Variants in KCNQ1 observed in about 807,000 individuals in gnomAD.
KCNQ1 encodes potassium voltage-gated channel subfamily KQT member 1.
KCNQ1 carries 49 observed loss-of-function variants against 72.4 expected under a neutral mutation model. That is an observed-to-expected ratio of 0.68 (90% CI 0.54 to 0.86). The LOEUF is 0.86. KCNQ1 is among the 40% of genes least tolerant of loss of function. The pLI is 0.00. For missense variants in KCNQ1, 790 were observed against 945.1 expected (o/e 0.84, Z 2.15); for synonymous variants, 450 against 412.6 (o/e 1.09, Z -1.10).
In KCNQ1 at chr11:2,669,343, T is replaced by C. The variant is rs758721363; in HGVS notation, c.1514+7262T>C. On this transcript the variant is annotated intron_variant, in intron 11 of 15. Transcript: ENST00000155840. This position sits in a 1 kb window ranked among gnomAD's most constrained non-coding sequence, Gnocchi z 5.6. ...AGCCTCCTCTAGGCGCAGCAGCCTC[T>C]AGATGGGCATGGGAGAATGGGTATC... is the stretch of plus-strand genomic sequence containing the variant. The C allele has an allele frequency of 3.8e-5, 15 of 398,656 alleles. No homozygotes were observed. The Admixed American group carries it at 6.2e-4, about 16-fold the overall frequency. The allele number at this position is 398,656 out of a possible 1,614,324, so 24.7% of individuals were successfully genotyped here. A position where few individuals can be genotyped will look rare whatever the true frequency, so the allele number is the denominator to read the frequency against.
chr11:2,581,914 C>T (rs1426048985), intron 6 of KCNQ1, among the ~76,000 whole-genome samples: 2 of 152,140 alleles, frequency 1.3e-5, no homozygotes, highest in South Asian at 2.1e-4. Flanking sequence ...AGGACAGTGG[C>T]GCTGCAGGGA....
At chr11:2,521,934 T>C (rs903198737) in intron 1 of KCNQ1, among the ~76,000 whole-genome samples, 2 of 152,220 alleles carry the variant, frequency 1.3e-5, no homozygotes, top group African/African-American at 4.8e-5. Context: ...CCCCAGGCCA[T>C]CTGAGCCGTG....
intron 2 of KCNQ1, among the ~76,000 whole-genome samples, chr11:2,531,765 C>T (rs1564808383): frequency 6.6e-6 from 1 of 152,204 alleles, no homozygotes; most frequent in Non-Finnish European, 1.5e-5. Context: ...GAGACCCTGG[C>T]CGCCTCCCTT....
intron 1 of KCNQ1, among the ~76,000 whole-genome samples, chr11:2,525,729 T>G (rs534180438): frequency 2.0e-5 from 3 of 152,286 alleles, no homozygotes; most frequent in Non-Finnish European, 4.4e-5. Context: ...ACTTGTGCTT[T>G]GGGTCGAATG....
intron 15 of KCNQ1, among the ~76,000 whole-genome samples, chr11:2,847,090 G>A (rs1275756072): frequency 6.6e-6 from 1 of 152,124 alleles, no homozygotes; most frequent in Non-Finnish European, 1.5e-5. Context: ...CCTGGGGGAT[G>A]ACAAAAAAAC....
At position 2,588,720 on chromosome 11, in the gene KCNQ1, A is replaced by T; in HGVS notation, c.1259A>T (p.Lys420Ile). ...PKPKKSVVVK[K>I]KKFKLDKDNG... is the part of the protein sequence containing the mutation. ...TTGTCTTGTTTTTTTTAGGTAAAGA[A>T]AAAAAAGTTCAAGCTGGACAAAGAC... The change falls in exon 10 of 16, where the codon AAA becomes ATA. Residue 420 changes from lysine (K) to isoleucine (I), a missense_variant. Physicochemically the swap from Lys to Ile is moderately radical, Grantham distance 102. Transcript: ENST00000155840. The surrounding 1 kb of genome is among the most constrained non-coding windows in gnomAD (Gnocchi z 5.6). 6.2e-7 allele frequency: 1 copy of T among 1,613,548 alleles called. No homozygotes were observed. Among genetic ancestry groups the T allele is most frequent in the South Asian group, 1.1e-5 (1 of 91,022 alleles).
At chr11:2,539,746 G>A (rs962667734) in intron 2 of KCNQ1, among the ~76,000 whole-genome samples, 1 of 152,254 alleles carries the variant, frequency 6.6e-6, no homozygotes, top group African/African-American at 2.4e-5. Flanking sequence ...GGGCCCCCAG[G>A]CTTCTCCATT....
chr11:2,801,265 C>T (rs966319923), intron 15 of KCNQ1, among the ~76,000 whole-genome samples: 1 of 152,200 alleles, frequency 6.6e-6, no homozygotes, highest in African/African-American at 2.4e-5. Flanking sequence ...CTGACCCACT[C>T]GGGGTGCCGG....
chr11:2,730,382 A>T (rs183258990), intron 11 of KCNQ1, among the ~76,000 whole-genome samples: 306 of 152,316 alleles, frequency 2.0e-3, no homozygotes, highest in African/African-American at 7.2e-3. Flanking sequence ...GGCTACATTC[A>T]AGGAGCCAGC....
rs1255771105 is a variant in KCNQ1, at chr11:2,785,775, A to C, written c.1794+7738A>C. ...TACTTCTCATTCTACTTTTCTCTCT[A>C]CTGGTTTTGAAGTTATGTATTCTAC... is the stretch of plus-strand genomic sequence containing the variant. On this transcript the variant is annotated intron_variant, in intron 15 of 15. Coordinates refer to ENST00000155840, the MANE Select transcript of KCNQ1 (RefSeq NM_000218.3). This position sits in a 1 kb window ranked among gnomAD's most constrained non-coding sequence, Gnocchi z 4.4. Among the ~76,000 whole-genome samples, 2 of 151,614 alleles carry C rather than the reference A, an allele frequency of 1.3e-5. No individual in the cohort carries two copies. Among genetic ancestry groups the C allele is most frequent in the Non-Finnish European group, 3.0e-5 (2 of 67,792 alleles).
At chr11:2,505,504 A>C (rs1439179454) in intron 1 of KCNQ1, among the ~76,000 whole-genome samples, 2 of 151,828 alleles carry the variant, frequency 1.3e-5, no homozygotes, top group Non-Finnish European at 2.9e-5. Context: ...TATTGTGTTA[A>C]GTCCTCTATT....
chr11:2,478,006 A>G lies in KCNQ1; in HGVS notation c.386+32522A>G, dbSNP rs1392495025. On this transcript the variant is annotated intron_variant, in intron 1 of 15. Transcript: ENST00000155840. The surrounding 1 kb of genome is among the most constrained non-coding windows in gnomAD (Gnocchi z 4.0). ...TACTAGTTACAAAGGAAAAAGAATC[A>G]CTTTCTAGAGGCAAAGCTGGCGACA... Among the ~76,000 whole-genome samples the G allele has an allele frequency of 6.6e-6, 1 of 152,068 alleles. No individual in the cohort carries two copies. Among genetic ancestry groups the G allele is most frequent in the African/African-American group, 2.4e-5 (1 of 41,402 alleles).
chr11:2,647,133 A>T lies in KCNQ1; in HGVS notation c.1394-14828A>T, dbSNP rs1183369279. 3 of 398,346 alleles carry T rather than the reference A, an allele frequency of 7.5e-6. No individual in the cohort carries two copies. Among genetic ancestry groups the T allele is most frequent in the Non-Finnish European group, 1.3e-5 (3 of 226,016 alleles). The allele number at this position is 398,346 out of a possible 1,614,324, so 24.7% of individuals were successfully genotyped here. A position where few individuals can be genotyped will look rare whatever the true frequency, so the allele number is the denominator to read the frequency against. On this transcript the variant is annotated intron_variant, in intron 10 of 15. Coordinates refer to ENST00000155840, the MANE Select transcript of KCNQ1 (RefSeq NM_000218.3). The surrounding 1 kb of genome is among the most constrained non-coding windows in gnomAD (Gnocchi z 4.0). ...GGTTTGTCATATATGACCTTCATTG[A>T]GTTATGTTCCTTCTAGACATTATGT...
At position 2,585,760 on chromosome 11, in the gene KCNQ1, G is replaced by A. The variant is rs181458784; in HGVS notation, c.1128+453G>A. ...AGGGCTCGGGAGGCCCTGGTGCCTGGAGGTGAGGACTGGCGATGGATGGCA... is the reference window on the plus strand; with the variant it reads ...AGGGCTCGGGAGGCCCTGGTGCCTGAAGGTGAGGACTGGCGATGGATGGCA... On this transcript the variant is annotated intron_variant, in intron 8 of 15. Coordinates refer to ENST00000155840, the MANE Select transcript of KCNQ1 (RefSeq NM_000218.3). Among the ~76,000 whole-genome samples, 20 of 152,350 alleles carry A rather than the reference G, an allele frequency of 1.3e-4. No individual in the cohort carries two copies. In the East Asian group the frequency reaches 3.9e-3, roughly 29 times the overall value.
chr11:2,819,089 C>A (rs1206850262), intron 15 of KCNQ1, among the ~76,000 whole-genome samples: 1 of 152,240 alleles, frequency 6.6e-6, no homozygotes, highest in South Asian at 2.1e-4. Context: ...AGTACCCTCA[C>A]CTGGCCTTTG....
intron 10 of KCNQ1, among the ~76,000 whole-genome samples, chr11:2,594,587 ATC>A (rs1217430346): frequency 1.3e-5 from 2 of 152,210 alleles, no homozygotes; most frequent in African/African-American, 2.4e-5. Flanking sequence ...TAGATTTTCT[ATC>A]TCTGTCTCCC....
In KCNQ1 at chr11:2,595,949, G is replaced by A. The variant is rs544230127; in HGVS notation, c.1393+7095G>A. On this transcript the variant is annotated intron_variant, in intron 10 of 15. Coordinates refer to ENST00000155840, the MANE Select transcript of KCNQ1 (RefSeq NM_000218.3). This position sits in a 1 kb window ranked among gnomAD's most constrained non-coding sequence, Gnocchi z 5.0. ...GAACGTCAAAATATCAGCATTAACAGGAATTGGGAAAAAGTTGATTCCAAC... is the reference window on the plus strand; with the variant it reads ...GAACGTCAAAATATCAGCATTAACAAGAATTGGGAAAAAGTTGATTCCAAC... Among the ~76,000 whole-genome samples, 1 of 152,284 alleles carries A rather than the reference G, an allele frequency of 6.6e-6. No individual in the cohort carries two copies. Among genetic ancestry groups the A allele is most frequent in the South Asian group, 2.1e-4 (1 of 4,822 alleles).
chr11:2,647,989 C>T lies in KCNQ1; in HGVS notation c.1394-13972C>T, dbSNP rs1023961694. 3.5e-5 allele frequency: 14 copies of T among 396,984 alleles called. No homozygotes were observed. Among genetic ancestry groups the T allele is most frequent in the African/African-American group, 1.2e-4 (6 of 48,294 alleles). 24.6% of individuals were successfully genotyped at this position (396,984 alleles called of 1,614,324 possible). A position where few individuals can be genotyped will look rare whatever the true frequency, so the allele number is the denominator to read the frequency against. ...AGTACTTTGGAAGGCCAAGGCAGGC[C>T]GATCGCTTGAGTCCAGGAGTTTGAG... On this transcript the variant is annotated intron_variant, in intron 10 of 15. Coordinates refer to ENST00000155840, the MANE Select transcript of KCNQ1 (RefSeq NM_000218.3). This position sits in a 1 kb window ranked among gnomAD's most constrained non-coding sequence, Gnocchi z 4.0.
intron 5 of KCNQ1, 128 bp downstream of exon 5, chr11:2,572,237 G>A (rs1848348946): frequency 1.5e-6 from 1 of 676,214 alleles, no homozygotes; most frequent in East Asian, 2.7e-5. Context: ...GGGCGCAGGG[G>A]TACCTGAACG....
Sources: allele counts gnomAD v4.1 joint callset (sites outside exome capture counted in the v4.1 genomes callset), GRCh38; gene constraint gnomAD v4.1.1; non-coding constraint Gnocchi (gnomAD v3.1); transcripts MANE v1.5; gene names NCBI Gene and HGNC (gene_info 2026-07-23, HGNC 2026-07-21).